The following PYCR1 variants were observed in gnomAD, a reference collection of about 807,000 sequenced individuals.
PYCR1 encodes pyrroline-5-carboxylate reductase 1.
In PYCR1, 19 loss-of-function variants were observed where a neutral mutation model predicts 22.9. The observed-to-expected ratio is 0.83, with a 90% CI of 0.58 to 1.22. The LOEUF (loss-of-function observed/expected upper bound fraction) is 1.22. Ranked by LOEUF, PYCR1 falls within the 50% of genes most tolerant of loss-of-function variation. The pLI is 0.00. For synonymous variants in PYCR1, 175 were observed against 180.5 expected, an observed-to-expected ratio of 0.97 and a Z score of 0.24; for missense variants, 429 against 431.3, an observed-to-expected ratio of 0.99 and a Z score of 0.05.
rs1459076999 is a variant in PYCR1 at position 81,935,068 on chromosome 17, G to T, written c.398C>A (p.Thr133Asn). 6.2e-7 allele frequency: 1 copy of T among 1,610,664 alleles called. No individual in the cohort carries two copies. The highest frequency in any genetic ancestry group is 8.5e-7 in the Non-Finnish European group (1 of 1,179,996). ...NTPVVVREGA[T>N]VYATGTHAQV... ...GGCGTGCGTGCCTGTGGCATACACG[G>T]TGGCCCCCTCCCGCACCACGACTGG... is the stretch of plus-strand genomic sequence containing the variant. Residue 133 changes from threonine to asparagine, a missense_variant, in exon 4 of 7, where the codon ACC (threonine) becomes AAC (asparagine). Coordinates refer to ENST00000329875, the MANE Select transcript of PYCR1 (RefSeq NM_006907.4).
rs780358911 is a variant in PYCR1, at chr17:81,937,242, C to A, written c.-428G>T. 4 of 1,413,832 alleles carry A rather than the reference C, an allele frequency of 2.8e-6. No homozygotes were observed. Among genetic ancestry groups the A allele is most frequent in the East Asian group, 2.8e-5 (1 of 35,094 alleles). 87.6% of individuals were successfully genotyped at this position (1,413,832 alleles called of 1,614,324 possible). A position where few individuals can be genotyped will look rare whatever the true frequency, so the allele number is the denominator to read the frequency against. On this transcript the variant is annotated 5_prime_UTR_variant, in exon 1 of 7. Coordinates refer to ENST00000329875, the MANE Select transcript of PYCR1 (RefSeq NM_006907.4). ...CGGAGCCCGACCCCAACCCAGCTAC[C>A]GTGCGCGGGTCGTACCCACCCCTCA... is the stretch of plus-strand genomic sequence containing the variant.
intron 6 of PYCR1, among the ~76,000 whole-genome samples, chr17:81,933,589 G>A (rs959690812): frequency 1.6e-4 from 24 of 152,104 alleles, no homozygotes; most frequent in African/African-American, 5.3e-4. Flanking sequence ...AAATCTCCCC[G>A]CAGTGCCCCC....
chr17:81,935,087 C>T lies in PYCR1; in HGVS notation c.379G>A (p.Val127Met), dbSNP rs753916132. The change falls in exon 4 of 7, where the codon GTG (valine) becomes ATG (methionine). Residue 127 changes from valine to methionine, a missense_variant. Transcript: ENST00000329875. The part of the protein sequence containing the change: ...VIRCMTNTPV[V>M]VREGATVYAT... Reference sequence around the variant, plus strand: ...TACACGGTGGCCCCCTCCCGCACCACGACTGGAGTGTTGGTCATGCAGCGG... The same window carrying T: ...TACACGGTGGCCCCCTCCCGCACCATGACTGGAGTGTTGGTCATGCAGCGG... 9.3e-6 allele frequency: 15 copies of T among 1,610,544 alleles called. No individual in the cohort carries two copies. Among genetic ancestry groups the T allele is most frequent in the Non-Finnish European group, 1.3e-5 (15 of 1,180,010 alleles).
chr17:81,933,627 C>A (rs776656051), intron 6 of PYCR1, among the ~76,000 whole-genome samples: 1 of 152,216 alleles, frequency 6.6e-6, no homozygotes, highest in Non-Finnish European at 1.5e-5. Context: ...GGCCCCACCA[C>A]GGGATGTGGG....
chr17:81,934,433 G>A lies in PYCR1; in HGVS notation c.690C>T (p.Asn230=), dbSNP rs761756388. ...TGGTGGCCCCACCAGGAGAGCTGAC[G>A]TTGTCCTTGAGCTGGCCTGGGTGCT... ...SEQHPGQLKD[N]VSSPGGATIH... The change falls in exon 6 of 7, where the codon AAC becomes AAT. Residue 230 remains asparagine, a synonymous_variant. Transcript: ENST00000329875. 32 of 1,610,980 alleles carry A rather than the reference G, an allele frequency of 2.0e-5. No homozygotes were observed. The East Asian group carries it at 2.2e-4, about 11-fold the overall frequency.
intron 1 of PYCR1, 36 bp from the exon 2 acceptor site, chr17:81,936,229 T>TA: frequency 1.9e-6 from 3 of 1,588,282 alleles, no homozygotes; most frequent in Non-Finnish European, 1.7e-6. Context: ...AGTTCTTTAT[T>TA]ATTTTTTTTT....
Position 81,937,254 on chromosome 17 carries a change from G to T in PYCR1, c.-440C>A. ...CCAACCCAGCTACCGTGCGCGGGTC[G>T]TACCCACCCCTCAGCGCTGCGGCCG... On this transcript the variant is annotated 5_prime_UTR_variant, in exon 1 of 7. Coordinates refer to ENST00000329875, the MANE Select transcript of PYCR1 (RefSeq NM_006907.4). The T allele has an allele frequency of 7.4e-7, 1 of 1,349,092 alleles. No homozygotes were observed. Among genetic ancestry groups the T allele is most frequent in the Non-Finnish European group, 9.6e-7 (1 of 1,046,300 alleles). 83.6% of individuals were successfully genotyped at this position (1,349,092 alleles called of 1,614,324 possible).
chr17:81,936,014 G>T, intron 2 of PYCR1, 109 bp downstream of exon 2: 2 of 1,294,374 alleles, frequency 1.5e-6, no homozygotes, highest in South Asian at 1.2e-5. Flanking sequence ...TGAGACCCCA[G>T]CCCAGGGCCC....
rs560921348 is a variant in PYCR1 at position 81,935,407 on chromosome 17, C to G, written c.248G>C (p.Gly83Ala). Residue 83 changes from glycine to alanine, a missense_variant, in exon 3 of 7, where the codon GGC (glycine) becomes GCC (alanine). Physicochemically the swap from Gly to Ala is moderately conservative, Grantham distance 60 (BLOSUM62 0). Coordinates refer to ENST00000329875, the MANE Select transcript of PYCR1 (RefSeq NM_006907.4). ...AATGTGTCTGTCCTCAATGTCGGCG[C>G]CTATTTCATCCAGGATGAAGGGGAT... The part of the protein sequence containing the change: ...HIIPFILDEI[G>A]ADIEDRHIVV... The G allele has an allele frequency of 6.2e-7, 1 of 1,613,636 alleles. No individual in the cohort carries two copies. Among genetic ancestry groups the G allele is most frequent in the Non-Finnish European group, 8.5e-7 (1 of 1,179,994 alleles).
chr17:81,932,820 A>AGGGGGC lies in PYCR1; in HGVS notation c.*388_*393dup. The AGGGGGC allele has an allele frequency of 6.4e-7, 1 of 1,562,720 alleles. No homozygotes were observed. The highest frequency in any genetic ancestry group is 8.7e-7 in the Non-Finnish European group (1 of 1,155,438). On this transcript the variant is annotated 3_prime_UTR_variant, in exon 7 of 7. Coordinates refer to ENST00000329875, the MANE Select transcript of PYCR1 (RefSeq NM_006907.4). The stretch of plus-strand genomic sequence containing the variant: ...GAATGGAGGGCAGGGAGGGGCCGGG[A>AGGGGGC]GGGGGCGTGGGATCCCACCTCTGCT...
At position 81,933,215 on chromosome 17, in the gene PYCR1, C is replaced by T. The variant is rs1031999999; in HGVS notation, c.959G>A (p.Ter320=). The part of the protein sequence containing the change: ...PRSLAPAGKD[*] ...AGGATGGTGGTCAGGCAGGACGTGT[C>T]AATCCTTGCCCGCTGGGGCCAGGCT... Residue 320 remains the stop codon, a stop_retained_variant, in exon 7 of 7, where the codon TGA becomes TAA. Transcript: ENST00000329875. 2.5e-6 allele frequency: 4 copies of T among 1,613,878 alleles called. No individual in the cohort carries two copies. Among genetic ancestry groups the T allele is most frequent in the Non-Finnish European group, 3.4e-6 (4 of 1,179,984 alleles).
Position 81,932,418 on chromosome 17 carries a change from A to T in PYCR1, c.*796T>A, listed in dbSNP as rs1430075401. ...AGATTACATTGACATTTTAATCAGT[A>T]AGGCAGATGCCCTCCAAGATGTGGG... On this transcript the variant is annotated 3_prime_UTR_variant, in exon 7 of 7. Transcript: ENST00000329875. 1 of 226,546 alleles carries T rather than the reference A, an allele frequency of 4.4e-6. No homozygotes were observed. The highest frequency in any genetic ancestry group is 2.3e-5 in the African/African-American group (1 of 44,438). 14.0% of individuals were successfully genotyped at this position (226,546 alleles called of 1,614,324 possible).
chr17:81,936,316 C>A (rs988209708), intron 1 of PYCR1, 123 bp from the exon 2 acceptor site: 2 of 921,124 alleles, frequency 2.2e-6, no homozygotes, highest in African/African-American at 1.7e-5. Flanking sequence ...AGCTCCACCT[C>A]CCGGGTTCAC....
At chr17:81,935,626 G>A in intron 2 of PYCR1, 110 bp from the exon 3 acceptor site, 3 of 819,146 alleles carry the variant, frequency 3.7e-6, no homozygotes, top group Non-Finnish European at 5.8e-6. Context: ...TTGGGGGTGG[G>A]CAGGGCTGGG....
rs2041022847 is a variant in PYCR1 at position 81,932,800 on chromosome 17, G to A, written c.*414C>T. On this transcript the variant is annotated 3_prime_UTR_variant, in exon 7 of 7. Coordinates refer to ENST00000329875, the MANE Select transcript of PYCR1 (RefSeq NM_006907.4). Reference sequence around the variant, plus strand: ...GGAAGGAGAGGTTTCTCCCTGAATGGAGGGCAGGGAGGGGCCGGGAGGGGG... The same window carrying A: ...GGAAGGAGAGGTTTCTCCCTGAATGAAGGGCAGGGAGGGGCCGGGAGGGGG... The A allele has an allele frequency of 1.3e-6, 2 of 1,515,002 alleles. No individual in the cohort carries two copies. The highest frequency in any genetic ancestry group is 1.2e-5 in the South Asian group (1 of 83,920). 93.8% of individuals were successfully genotyped at this position (1,515,002 alleles called of 1,614,324 possible).
intron 3 of PYCR1, 37 bp from the exon 4 acceptor site, chr17:81,935,184 C>T (rs773920892): frequency 7.0e-6 from 11 of 1,581,786 alleles, no homozygotes; most frequent in African/African-American, 1.3e-5. Flanking sequence ...TGGCCATGGA[C>T]GCAGTGCCTA....
At chr17:81,934,609 C>A in intron 5 of PYCR1, 44 bp downstream of exon 5, 1 of 1,549,300 alleles carries the variant, frequency 6.5e-7, no homozygotes, top group Middle Eastern at 1.7e-4. Flanking sequence ...GCCCCAGGGC[C>A]CCGCAAAGAG....
rs1373567094 is a variant in PYCR1 at position 81,932,601 on chromosome 17, T to C, written c.*613A>G. The C allele has an allele frequency of 6.0e-6, 3 of 501,010 alleles. No individual in the cohort carries two copies. The highest frequency in any genetic ancestry group is 7.5e-5 in the East Asian group (2 of 26,702). 31.0% of individuals were successfully genotyped at this position (501,010 alleles called of 1,614,324 possible). A position where few individuals can be genotyped will look rare whatever the true frequency, so the allele number is the denominator to read the frequency against. Reference sequence around the variant, plus strand: ...ACTGAAAGGGCCAGGACAGAACTGATAGCACCCTCCCAGGGAGGTCAGGAG... The same window carrying C: ...ACTGAAAGGGCCAGGACAGAACTGACAGCACCCTCCCAGGGAGGTCAGGAG... On this transcript the variant is annotated 3_prime_UTR_variant, in exon 7 of 7. Transcript: ENST00000329875.
chr17:81,933,920 A>G (rs2041070609), intron 6 of PYCR1, among the ~76,000 whole-genome samples: 1 of 152,234 alleles, frequency 6.6e-6, no homozygotes, highest in African/African-American at 2.4e-5. Context: ...TTGTGCCTGG[A>G]TGTTGCTGCG....
Sources: allele counts gnomAD v4.1 joint callset (sites outside exome capture counted in the v4.1 genomes callset), GRCh38; gene constraint gnomAD v4.1.1; transcripts MANE v1.5; gene names NCBI Gene and HGNC (gene_info 2026-07-23, HGNC 2026-07-21).